Variants in FAM186B observed in about 807,000 individuals in gnomAD.
FAM186B encodes the protein protein FAM186B.
A neutral mutation model predicts 83.4 loss-of-function variants in FAM186B; 68 were observed. The observed-to-expected ratio is 0.81, with a 90% CI of 0.67 to 1.00. The LOEUF is 1.00. Ranked by LOEUF, FAM186B falls within the 50% of genes least tolerant of loss-of-function variation. The pLI, the probability that FAM186B is intolerant of heterozygous loss-of-function variation, is 0.00. For synonymous variants in FAM186B, 389 were observed against 422.0 expected (o/e 0.92, Z 0.96); for missense variants, 983 against 1,099.2 (o/e 0.89, Z 1.49).
chr12:49,615,918 C>G, the FAM186B span, among the ~76,000 whole-genome samples: 13 of 152,068 alleles, frequency 8.5e-5, no homozygotes, highest in African/African-American at 2.9e-4. Context: ...AAGAATGAGT[C>G]AGATGATAAA....
intron 6 of FAM186B, among the ~76,000 whole-genome samples, chr12:49,588,048 C>T (rs1939489879): frequency 6.6e-6 from 1 of 152,172 alleles, no homozygotes; most frequent in Non-Finnish European, 1.5e-5. Flanking sequence ...GACCAGGGTC[C>T]TTTTAGCGCC....
chr12:49,598,884 G>C lies in FAM186B; in HGVS notation c.2235C>G (p.Asn745Lys), dbSNP rs775949478. The change falls in exon 5 of 7, where the codon AAC becomes AAG. Residue 745 changes from asparagine to lysine, a missense_variant. Physicochemically the swap from Asn to Lys is moderately conservative, Grantham distance 94. Transcript: ENST00000257894. ...KETEASYKAQ[N>K]LYIFLENIDR... The stretch of plus-strand genomic sequence containing the variant: ...CAATGTTTTCCAGGAAGATGTAGAG[G>C]TTCTGGGCCTTGTAGGAAGCCTCCG... 1.2e-6 allele frequency: 2 copies of C among 1,613,644 alleles called. No individual in the cohort carries two copies. Among genetic ancestry groups the C allele is most frequent in the East Asian group, 4.5e-5 (2 of 44,828 alleles).
chr12:49,599,375 C>T (rs1467755125), intron 4 of FAM186B, 94 bp downstream of exon 4: 3 of 1,431,048 alleles, frequency 2.1e-6, no homozygotes, highest in Non-Finnish European at 1.8e-6. Context: ...CTCCCCATCC[C>T]CCCTTGCCCT....
chr12:49,605,924 A>G (rs1185337396), upstream of FAM186B, among the ~76,000 whole-genome samples: 2 of 151,284 alleles, frequency 1.3e-5, no homozygotes, highest in African/African-American at 4.9e-5. Context: ...ACGCCTGGCT[A>G]ATTTATTTTT....
intron 5 of FAM186B, among the ~76,000 whole-genome samples, chr12:49,597,672 T>C (rs1186035109): frequency 1.3e-5 from 2 of 152,238 alleles, no homozygotes; most frequent in African/African-American, 2.4e-5. Context: ...TAATTTGTTT[T>C]ACTATGGTAA....
chr12:49,615,624 A>C, the FAM186B span, among the ~76,000 whole-genome samples: 2 of 152,144 alleles, frequency 1.3e-5, no homozygotes, highest in Admixed American at 1.3e-4. Flanking sequence ...CTCCGTCTCT[A>C]CTAAAAATAC....
downstream of FAM186B, among the ~76,000 whole-genome samples, chr12:49,585,439 G>A (rs549797147): frequency 1.4e-4 from 22 of 152,296 alleles, no homozygotes; most frequent in Non-Finnish European, 2.2e-4. Flanking sequence ...GACACACACA[G>A]CTCTCCCACC....
At chr12:49,608,491 C>CAA (rs546459596), upstream of FAM186B, among the ~76,000 whole-genome samples, 4 of 81,044 alleles carry the variant, frequency 4.9e-5, no homozygotes, top group Non-Finnish European at 1.0e-4. Flanking sequence ...ACTCCGTCTC[C>CAA]AAAAAAAAAA....
the FAM186B span, among the ~76,000 whole-genome samples, chr12:49,614,505 C>T: frequency 2.0e-5 from 3 of 152,168 alleles, no homozygotes; most frequent in Admixed American, 1.3e-4. Flanking sequence ...CGTGTTCTCA[C>T]TTGTAAGTGG....
rs773601924 is a variant in FAM186B at position 49,600,850 on chromosome 12, G to A, written c.790C>T (p.Leu264=). 1.7e-5 allele frequency: 27 copies of A among 1,612,876 alleles called. No individual in the cohort carries two copies. The highest frequency in any genetic ancestry group is 2.3e-5 in the Non-Finnish European group (27 of 1,179,576). The change falls in exon 4 of 7, where the codon CTG becomes TTG. Residue 264 remains leucine (L), a synonymous_variant. Coordinates refer to ENST00000257894, the MANE Select transcript of FAM186B (RefSeq NM_032130.3). This position sits in a 1 kb window ranked among gnomAD's most constrained non-coding sequence, Gnocchi z 4.3. ...NRSLETKYRH[L]QMQATKELSS... The stretch of plus-strand genomic sequence containing the variant: ...AGCTCTTTGGTCGCCTGCATTTGCA[G>A]GTGCCTGTATTTGGTCTCCAGGCTC...
the FAM186B span, among the ~76,000 whole-genome samples, chr12:49,618,043 C>T: frequency 2.6e-5 from 4 of 152,178 alleles, no homozygotes; most frequent in Non-Finnish European, 4.4e-5. Context: ...AGCCAGATCA[C>T]TGTGCAAAGA....
chr12:49,603,563 A>C (rs1201208510), intron 2 of FAM186B, among the ~76,000 whole-genome samples, 196 bp from the exon 3 acceptor site: 1 of 152,236 alleles, frequency 6.6e-6, no homozygotes, highest in African/African-American at 2.4e-5. Flanking sequence ...GTGAAGATTA[A>C]ATGAGATAAT....
At chr12:49,613,379 T>C in the FAM186B span, among the ~76,000 whole-genome samples, 1 of 150,882 alleles carries the variant, frequency 6.6e-6, no homozygotes, top group Admixed American at 6.6e-5. Flanking sequence ...TACAAAAAAT[T>C]AGCCGGGTGT....
chr12:49,588,678 G>T, intron 5 of FAM186B, 55 bp from the exon 6 acceptor site: 1 of 1,501,316 alleles, frequency 6.7e-7, no homozygotes, highest in African/African-American at 1.4e-5. Flanking sequence ...TCCTCTCTAG[G>T]TCGTGAGGAG....
intron 5 of FAM186B, chr12:49,593,325 G>A (rs1939629345): frequency 6.6e-6 from 1 of 152,138 alleles, no homozygotes; most frequent in Admixed American, 6.5e-5. Flanking sequence ...GTACACTGAA[G>A]AGCAAGGAAT....
At position 49,588,477 on chromosome 12, in the gene FAM186B, T is replaced by G. The variant is rs770162543; in HGVS notation, c.2511A>C (p.Ala837=). ...YKQPFLSRHR[A]CVPLQMARQQ... is the part of the protein sequence containing the mutation. The stretch of plus-strand genomic sequence containing the variant: ...ACCGGGCCATCTGCAGGGGCACACA[T>G]GCCCGGTGCCTAGACAGAAAGGGCT... The change falls in exon 6 of 7, where the codon GCA becomes GCC. Residue 837 remains alanine (A), a synonymous_variant. Transcript: ENST00000257894. The G allele has an allele frequency of 2.7e-5, 44 of 1,613,118 alleles. No individual in the cohort carries two copies. Among genetic ancestry groups the G allele is most frequent in the Non-Finnish European group, 3.6e-5 (43 of 1,179,450 alleles).
chr12:49,621,062 T>C, the FAM186B span, among the ~76,000 whole-genome samples: 4 of 152,154 alleles, frequency 2.6e-5, no homozygotes, highest in African/African-American at 7.2e-5. Context: ...AAGAAAAGCA[T>C]AGAATATGGC....
chr12:49,600,047 C>G lies in FAM186B; in HGVS notation c.1593G>C (p.Gln531His). Residue 531 changes from glutamine (Q) to histidine (H), a missense_variant, in exon 4 of 7, where the codon CAG (glutamine) becomes CAC (histidine). By Grantham distance (24) the Gln-to-His change is conservative. Coordinates refer to ENST00000257894, the MANE Select transcript of FAM186B (RefSeq NM_032130.3). This position sits in a 1 kb window ranked among gnomAD's most constrained non-coding sequence, Gnocchi z 4.3. ...CCTTTTCTAGCTGGACCCATCTCCG[C>G]TGTTGCTCCCTGGCCAGGTCTTCCA... Reference protein sequence around the residue: ...WNLEDLAREQQRRWVQLEKEQ... With the variant: ...WNLEDLAREQHRRWVQLEKEQ... 1 of 1,606,020 alleles carries G rather than the reference C, an allele frequency of 6.2e-7. No individual in the cohort carries two copies. The highest frequency in any genetic ancestry group is 8.5e-7 in the Non-Finnish European group (1 of 1,175,802).
the FAM186B span, chr12:49,619,395 G>A: frequency 2.3e-6 from 1 of 436,346 alleles, no homozygotes; most frequent in Non-Finnish European, 4.2e-6. Flanking sequence ...AAACTTATTT[G>A]AAAAGCTAAA....
Sources: gnomAD v4.1 joint callset for allele counts (sites outside exome capture counted in the v4.1 genomes callset) on GRCh38, gnomAD v4.1.1 for gene constraint, Gnocchi (gnomAD v3.1) non-coding constraint, MANE v1.5 for transcripts, NCBI Gene and HGNC (gene_info 2026-07-23, HGNC 2026-07-21) for gene names.